Variants in ALCAM observed in about 807,000 individuals in gnomAD.
ALCAM encodes the protein activated leukocyte cell adhesion molecule.
In ALCAM, 30 loss-of-function variants were observed where a neutral mutation model predicts 70.9. That is an observed-to-expected ratio of 0.42 (90% confidence interval 0.32 to 0.57). The LOEUF (loss-of-function observed/expected upper bound fraction) is 0.57. Ranked by LOEUF, ALCAM falls within the 20% of genes least tolerant of loss-of-function variation. ALCAM has a pLI of 0.11. For synonymous variants in ALCAM, 249 were observed against 242.5 expected (o/e 1.03, Z -0.25); for missense variants, 591 against 695.1 (o/e 0.85, Z 1.68).
At chr3:105,374,932 A>T (rs995031424) in intron 1 of ALCAM, among the ~76,000 whole-genome samples, 1 of 152,126 alleles carries the variant, frequency 6.6e-6, no homozygotes, top group African/African-American at 2.4e-5. Context: ...CTGGTTTATG[A>T]GTTTGGTTAG....
chr3:105,409,619 T>A (rs1936336760), intron 1 of ALCAM, among the ~76,000 whole-genome samples: 1 of 151,964 alleles, frequency 6.6e-6, no homozygotes, highest in African/African-American at 2.4e-5. Context: ...ACTGCTCAGG[T>A]GATGGGCACA....
chr3:105,420,766 C>A (rs952412264), intron 1 of ALCAM, among the ~76,000 whole-genome samples: 1 of 151,298 alleles, frequency 6.6e-6, no homozygotes, highest in African/African-American at 2.4e-5. Context: ...CATATTTACA[C>A]CTAATTATAA....
intron 1 of ALCAM, among the ~76,000 whole-genome samples, chr3:105,434,695 C>T (rs1937012508): frequency 6.6e-6 from 1 of 152,052 alleles, no homozygotes; most frequent in South Asian, 2.1e-4. Flanking sequence ...TTATGTTTCA[C>T]TGACTTAAAG....
At chr3:105,481,536 T>C (rs1368427143) in intron 1 of ALCAM, among the ~76,000 whole-genome samples, 1 of 152,168 alleles carries the variant, frequency 6.6e-6, no homozygotes, top group Non-Finnish European at 1.5e-5. Flanking sequence ...TAAAAATAAG[T>C]AAAATGAAGA....
At chr3:105,428,659 A>G (rs917024462) in intron 1 of ALCAM, among the ~76,000 whole-genome samples, 1 of 151,976 alleles carries the variant, frequency 6.6e-6, no homozygotes, top group African/African-American at 2.4e-5. Context: ...GTATTTATGT[A>G]TCTCTCAATA....
chr3:105,524,127 T>A (rs1559821098), intron 2 of ALCAM, among the ~76,000 whole-genome samples, 162 bp from the exon 3 acceptor site: 1 of 152,212 alleles, frequency 6.6e-6, no homozygotes, highest in Non-Finnish European at 1.5e-5. Context: ...ATGAAGGATT[T>A]TCTGTAATCA....
intron 14 of ALCAM, among the ~76,000 whole-genome samples, chr3:105,556,849 C>A (rs1469855650): frequency 6.6e-6 from 1 of 152,016 alleles, no homozygotes; most frequent in Non-Finnish European, 1.5e-5. Context: ...CCACTTAAAG[C>A]ACATTTTAAG....
intron 12 of ALCAM, among the ~76,000 whole-genome samples, chr3:105,551,174 G>A (rs2152631759): frequency 6.6e-6 from 1 of 151,720 alleles, no homozygotes; most frequent in East Asian, 1.9e-4. Context: ...ATTATGACTG[G>A]AATATAAAGG....
Position 105,400,174 on chromosome 3 carries a change from C to G in ALCAM, c.73+32693C>G, listed in dbSNP as rs567894114. Reference sequence around the variant, plus strand: ...ACATACACAGGAAGAATGAGAAAAGCAGATAGCCCTTGTTTGGGTCATTAA... The same window carrying G: ...ACATACACAGGAAGAATGAGAAAAGGAGATAGCCCTTGTTTGGGTCATTAA... On this transcript the variant is annotated intron_variant, in intron 1 of 15. Transcript: ENST00000306107. Among the ~76,000 whole-genome samples the G allele has an allele frequency of 4.6e-5, 7 of 152,028 alleles. No individual in the cohort carries two copies. The East Asian group carries it at 1.4e-3, about 29-fold the overall frequency.
chr3:105,527,609 A>G (rs1454678967), intron 3 of ALCAM, among the ~76,000 whole-genome samples: 1 of 152,012 alleles, frequency 6.6e-6, no homozygotes, highest in Non-Finnish European at 1.5e-5. Context: ...AAAAAAAAAG[A>G]AAACAGAGGA....
intron 1 of ALCAM, among the ~76,000 whole-genome samples, chr3:105,374,783 G>T (rs35401795): frequency 0.15 from 23,125 of 152,102 alleles, 1,928 homozygotes; most frequent in Admixed American, 0.25. Context: ...CTCCCAAAGT[G>T]CTGGGATTAC....
intron 1 of ALCAM, among the ~76,000 whole-genome samples, chr3:105,393,581 A>G (rs1935876955): frequency 6.6e-6 from 1 of 151,880 alleles, no homozygotes; most frequent in Non-Finnish European, 1.5e-5. Context: ...TAATTTTATA[A>G]TGGCATATAC....
intron 1 of ALCAM, among the ~76,000 whole-genome samples, chr3:105,449,964 A>G (rs1051892289): frequency 1.3e-5 from 2 of 152,174 alleles, no homozygotes; most frequent in Non-Finnish European, 2.9e-5. Flanking sequence ...AAACTCGTCT[A>G]TTGTGTTCTA....
chr3:105,460,526 T>C (rs371235216), intron 1 of ALCAM, among the ~76,000 whole-genome samples: 12 of 152,010 alleles, frequency 7.9e-5, no homozygotes, highest in African/African-American at 2.9e-4. Context: ...TTGACTCTGG[T>C]GTTTGGAATC....
At chr3:105,413,757 G>A (rs1238266131) in intron 1 of ALCAM, among the ~76,000 whole-genome samples, 5 of 152,084 alleles carry the variant, frequency 3.3e-5, no homozygotes, top group Admixed American at 3.3e-4. Context: ...GTCCATTAGA[G>A]GCCTCCTTTT....
chr3:105,463,048 A>T (rs559553184), intron 1 of ALCAM, among the ~76,000 whole-genome samples: 2 of 151,658 alleles, frequency 1.3e-5, no homozygotes, highest in African/African-American at 2.4e-5. Context: ...CTAGTCTTTC[A>T]TAGCTGACGT....
chr3:105,413,775 C>T (rs923758182), intron 1 of ALCAM, among the ~76,000 whole-genome samples: 4 of 152,110 alleles, frequency 2.6e-5, no homozygotes, highest in Non-Finnish European at 5.9e-5. Context: ...TTTAATTACA[C>T]TTTCTTTCAA....
chr3:105,547,250 A>G lies in ALCAM; in HGVS notation c.1206A>G (p.Leu402=), dbSNP rs1187364477. The G allele has an allele frequency of 1.9e-6, 3 of 1,604,370 alleles. No individual in the cohort carries two copies. Among genetic ancestry groups the G allele is most frequent in the Non-Finnish European group, 2.6e-6 (3 of 1,175,800 alleles). Residue 402 remains leucine, a synonymous_variant, in exon 10 of 16, where the codon CTA becomes CTG. Transcript: ENST00000306107. ...CTGCTCTGCAGGAGGTTGAAGGACT[A>G]AAGAAAAGAGAGTCATTGACTCTCA... The part of the protein sequence containing the change: ...CETALQEVEG[L]KKRESLTLIV...
In ALCAM at chr3:105,485,794, T is replaced by C. The variant is rs748441399; in HGVS notation, c.74-34273T>C. 5.3e-5 allele frequency among the ~76,000 whole-genome samples: 8 copies of C among 152,240 alleles called. No homozygotes were observed. In the South Asian group the frequency reaches 1.2e-3, roughly 24 times the overall value. On this transcript the variant is annotated intron_variant, in intron 1 of 15. Coordinates refer to ENST00000306107, the MANE Select transcript of ALCAM (RefSeq NM_001627.4). ...GATTTAATCACTGAATAATGATATA[T>C]GTTAATTCAACAGCTTGTAAGGTCA...
Sources: gnomAD v4.1 joint callset for allele counts (sites outside exome capture counted in the v4.1 genomes callset) on GRCh38, gnomAD v4.1.1 for gene constraint, MANE v1.5 for transcripts, NCBI Gene and HGNC (gene_info 2026-07-23, HGNC 2026-07-21) for gene names.